SNRPF: variants seen among roughly 807,000 people sequenced by gnomAD.
SNRPF encodes the protein small nuclear ribonucleoprotein F.
In SNRPF, 1 loss-of-function variant was observed where a neutral mutation model predicts 13.4. The observed-to-expected ratio is 0.07, with a 90% CI of 0.03 to 0.35. The LOEUF (loss-of-function observed/expected upper bound fraction) is 0.35, where lower values mean the gene tolerates loss of function less well. SNRPF is among the 10% of genes least tolerant of loss of function. The pLI, the probability that SNRPF is intolerant of heterozygous loss-of-function variation, is 0.99. For synonymous variants in SNRPF, 27 were observed against 32.1 expected, an observed-to-expected ratio of 0.84 and a Z score of 0.54; for missense variants, 53 against 101.0, an observed-to-expected ratio of 0.52 and a Z score of 2.04.
Position 95,866,087 on chromosome 12 carries a change from ATT to A in SNRPF, c.*23_*24del. 7.8e-7 allele frequency: 1 copy of A among 1,277,384 alleles called. No homozygotes were observed. The highest frequency in any genetic ancestry group is 1.1e-6 in the Non-Finnish European group (1 of 896,886). 79.1% of individuals were successfully genotyped at this position (1,277,384 alleles called of 1,614,324 possible). ...GAGAGAATAGCATCTTTTGTGGGGG[ATT>A]TTTTTTATATATATTTCTAGACAAT... On this transcript the variant is annotated 3_prime_UTR_variant, in exon 4 of 4. Coordinates refer to ENST00000266735, the MANE Select transcript of SNRPF (RefSeq NM_003095.5).
intron 2 of SNRPF, among the ~76,000 whole-genome samples, chr12:95,862,783 C>T (rs551917748): frequency 2.6e-5 from 4 of 152,188 alleles, no homozygotes; most frequent in South Asian, 2.1e-4. Context: ...CAATGCACAA[C>T]GGTTCCAGTT....
chr12:95,860,349 G>A (rs2079489496), intron 1 of SNRPF, among the ~76,000 whole-genome samples: 1 of 152,152 alleles, frequency 6.6e-6, no homozygotes, highest in Non-Finnish European at 1.5e-5. Context: ...GCCTTGCCTG[G>A]AACAGCATTT....
chr12:95,866,028 G>C lies in SNRPF; in HGVS notation c.218G>C (p.Arg73Thr). 6.4e-7 allele frequency: 1 copy of C among 1,553,192 alleles called. No individual in the cohort carries two copies. Among genetic ancestry groups the C allele is most frequent in the Non-Finnish European group, 8.8e-7 (1 of 1,136,022 alleles). The part of the protein sequence containing the change: ...LIRCNNVLYI[R>T]GVEEEEEDGE... ...AGGTGTAATAATGTCCTTTATATCA[G>C]AGGTGTGGAAGAAGAGGAAGAAGAT... is the stretch of plus-strand genomic sequence containing the variant. Residue 73 changes from arginine to threonine, a missense_variant, in exon 4 of 4, where the codon AGA becomes ACA. Physicochemically the swap from Arg to Thr is moderately conservative, Grantham distance 71. Transcript: ENST00000266735.
intron 2 of SNRPF, among the ~76,000 whole-genome samples, chr12:95,862,226 T>C (rs2079499565): frequency 1.3e-5 from 2 of 152,194 alleles, no homozygotes; most frequent in Admixed American, 1.3e-4. Flanking sequence ...TGAATAATAT[T>C]CCATTATATG....
chr12:95,859,130 C>T, intron 1 of SNRPF, 54 bp downstream of exon 1: 1 of 1,507,836 alleles, frequency 6.6e-7, no homozygotes, highest in Non-Finnish European at 9.2e-7. Flanking sequence ...GGAGGGAGAC[C>T]AGCCTCGCGG....
At chr12:95,862,566 C>T (rs7962359) in intron 2 of SNRPF, among the ~76,000 whole-genome samples, 113,788 of 152,104 alleles carry the variant, frequency 0.75, 43,343 homozygotes, top group African/African-American at 0.82. Flanking sequence ...AATACAAAAA[C>T]TAGCTAGGCA....
rs2079478742 is a variant in SNRPF at position 95,858,996 on chromosome 12, G to C, written c.-78G>C. 2.5e-6 allele frequency: 4 copies of C among 1,596,292 alleles called. No individual in the cohort carries two copies. The highest frequency in any genetic ancestry group is 3.4e-6 in the Non-Finnish European group (4 of 1,173,300). ...CTTGAAACTGCGGCTCGGGACCTGC[G>C]GTACCTGCTGTAGTCACGAGGGACG... On this transcript the variant is annotated 5_prime_UTR_variant, in exon 1 of 4. Coordinates refer to ENST00000266735, the MANE Select transcript of SNRPF (RefSeq NM_003095.5).
At chr12:95,865,119 T>C (rs1357401196) in intron 2 of SNRPF, 1 of 367,244 alleles carries the variant, frequency 2.7e-6, no homozygotes, top group Non-Finnish European at 4.9e-6. Flanking sequence ...AAACAAGCTT[T>C]GAATATTAAT....
In SNRPF at chr12:95,865,334, C is replaced by A; in HGVS notation, c.140C>A (p.Thr47Lys). The A allele has an allele frequency of 1.3e-6, 2 of 1,538,396 alleles. No homozygotes were observed. Among genetic ancestry groups the A allele is most frequent in the Non-Finnish European group, 1.8e-6 (2 of 1,113,338 alleles). ...DGYMNMQLAN[T>K]EEYIDGALSG... ...TCTTTTTATTGAAAGCTTGCAAATA[C>A]AGAAGAATACATAGATGGAGCTTTG... Residue 47 changes from threonine to lysine, a missense_variant, in exon 3 of 4, where the codon ACA becomes AAA. Physicochemically the swap from Thr to Lys is moderately conservative, Grantham distance 78. Transcript: ENST00000266735.
intron 1 of SNRPF, among the ~76,000 whole-genome samples, chr12:95,860,706 C>T (rs1312812631): frequency 6.6e-6 from 1 of 152,028 alleles, no homozygotes; most frequent in African/African-American, 2.4e-5. Context: ...TACAGGTGTG[C>T]ACCACCACAC....
At chr12:95,862,157 A>T (rs2079499303) in intron 2 of SNRPF, among the ~76,000 whole-genome samples, 2 of 152,098 alleles carry the variant, frequency 1.3e-5, no homozygotes, top group South Asian at 4.1e-4. Context: ...GACTTAACGT[A>T]GTGTATTATT....
At chr12:95,859,132 G>A in intron 1 of SNRPF, 56 bp downstream of exon 1, 1 of 1,443,182 alleles carries the variant, frequency 6.9e-7, no homozygotes, top group Non-Finnish European at 9.7e-7. Context: ...AGGGAGACCA[G>A]CCTCGCGGGG....
rs376169549 is a variant in SNRPF at position 95,861,169 on chromosome 12, G to C, written c.5G>C (p.Ser2Thr). M[S>T]LPLNPKPFLN... ...GATCCTTTTTTGTTCTTTGTGCAGAGTTTACCCCTCAATCCCAAACCTTTC... is the reference window on the plus strand; with the variant it reads ...GATCCTTTTTTGTTCTTTGTGCAGACTTTACCCCTCAATCCCAAACCTTTC... The change falls in exon 2 of 4, where the codon AGT becomes ACT. Residue 2 changes from serine (S) to threonine (T), a missense_variant and splice_region_variant. Coordinates refer to ENST00000266735, the MANE Select transcript of SNRPF (RefSeq NM_003095.5). 6.8e-6 allele frequency: 11 copies of C among 1,609,572 alleles called. No individual in the cohort carries two copies. The highest frequency in any genetic ancestry group is 9.3e-6 in the Non-Finnish European group (11 of 1,177,770).
At chr12:95,863,933 G>A (rs118028094) in intron 2 of SNRPF, among the ~76,000 whole-genome samples, 5 of 152,274 alleles carry the variant, frequency 3.3e-5, no homozygotes, top group Admixed American at 1.3e-4. Flanking sequence ...TTAAAATGGC[G>A]GCCATAGAGA....
At chr12:95,862,576 A>G (rs772311797) in intron 2 of SNRPF, among the ~76,000 whole-genome samples, 10 of 152,186 alleles carry the variant, frequency 6.6e-5, no homozygotes, top group Non-Finnish European at 1.2e-4. Flanking sequence ...CTAGCTAGGC[A>G]TGATGGTGTG....
At chr12:95,861,318 A>C (rs746161329) in intron 2 of SNRPF, 25 bp downstream of exon 2, 176 of 1,595,524 alleles carry the variant, frequency 1.1e-4, no homozygotes, top group Non-Finnish European at 1.4e-4. Context: ...TGTAAAGGTC[A>C]TAACATTGCA....
intron 1 of SNRPF, 116 bp downstream of exon 1, chr12:95,859,192 C>A: frequency 2.2e-6 from 2 of 894,264 alleles, no homozygotes; most frequent in Non-Finnish European, 3.6e-6. Context: ...AGGCGCCGCG[C>A]ACCCTGTCGC....
At chr12:95,859,703 C>A (rs1043512117) in intron 1 of SNRPF, among the ~76,000 whole-genome samples, 1 of 152,102 alleles carries the variant, frequency 6.6e-6, no homozygotes, top group Non-Finnish European at 1.5e-5. Flanking sequence ...AAAGCTTGGT[C>A]ATTTGGAGAA....
chr12:95,864,373 A>G (rs2079511501), intron 2 of SNRPF, among the ~76,000 whole-genome samples: 1 of 152,256 alleles, frequency 6.6e-6, no homozygotes, highest in African/African-American at 2.4e-5. Context: ...AATTACAAGT[A>G]GAGCTTGTTA....
Sources: allele counts gnomAD v4.1 joint callset (sites outside exome capture counted in the v4.1 genomes callset), GRCh38; gene constraint gnomAD v4.1.1; transcripts MANE v1.5; gene names NCBI Gene and HGNC (gene_info 2026-07-23, HGNC 2026-07-21).